The following UBAC2 variants were observed in gnomAD, a reference collection of about 807,000 sequenced individuals.
The protein encoded by UBAC2 is ubiquitin-associated domain-containing protein 2.
Under a neutral mutation model 44.0 loss-of-function variants are expected in UBAC2, and 26 were observed. The ratio of observed to expected loss-of-function variants is 0.59; its 90% CI spans 0.43 to 0.82. UBAC2 has a LOEUF of 0.82. Among genes scored for constraint, UBAC2 ranks in the 40% least tolerant of loss-of-function variants. The pLI, the probability that UBAC2 is intolerant of heterozygous loss-of-function variation, is 0.00. For missense variants in UBAC2, 329 were observed against 419.4 expected, an observed-to-expected ratio of 0.78 and a Z score of 1.88; for synonymous variants, 155 against 154.3, an observed-to-expected ratio of 1.00 and a Z score of -0.04.
intron 5 of UBAC2, 79 bp from the exon 6 acceptor site, chr13:99,317,943 C>T: frequency 8.7e-7 from 1 of 1,151,320 alleles, no homozygotes; most frequent in Non-Finnish European, 1.3e-6. Context: ...ATGGTCATGA[C>T]TATAGTTATG....
At chr13:99,247,485 A>G (rs981488730) in intron 4 of UBAC2, among the ~76,000 whole-genome samples, 5 of 151,900 alleles carry the variant, frequency 3.3e-5, no homozygotes, top group African/African-American at 4.8e-5. Context: ...AAGTGCTGGG[A>G]TTACAGGCGT....
intron 4 of UBAC2, chr13:99,255,567 C>T (rs1376493048): frequency 4.3e-6 from 7 of 1,614,144 alleles, no homozygotes; most frequent in Non-Finnish European, 5.9e-6. Context: ...TTGGGTAAAA[C>T]ACTGTGAGAG....
chr13:99,263,490 A>C (rs895737883), intron 4 of UBAC2, among the ~76,000 whole-genome samples: 1 of 152,248 alleles, frequency 6.6e-6, no homozygotes, highest in Non-Finnish European at 1.5e-5. Flanking sequence ...ACGATGAAAA[A>C]GACGGACAGT....
At chr13:99,380,094 G>T (rs1385353406) in intron 8 of UBAC2, among the ~76,000 whole-genome samples, 1 of 152,154 alleles carries the variant, frequency 6.6e-6, no homozygotes, top group Non-Finnish European at 1.5e-5. Context: ...TAAACTACAT[G>T]TTGTGGCCTG....
At chr13:99,383,799 G>A (rs551810881) in intron 8 of UBAC2, among the ~76,000 whole-genome samples, 85 of 152,366 alleles carry the variant, frequency 5.6e-4, no homozygotes, top group African/African-American at 1.7e-3. Flanking sequence ...TGTCCACTGC[G>A]TGTCCCTGTT....
At chr13:99,218,721 T>G (rs1254779895) in intron 1 of UBAC2, among the ~76,000 whole-genome samples, 1 of 152,144 alleles carries the variant, frequency 6.6e-6, no homozygotes, top group Middle Eastern at 3.2e-3. Context: ...GATGGATGGC[T>G]TCCAGTGTTT....
chr13:99,287,285 G>A (rs974130412), intron 4 of UBAC2, among the ~76,000 whole-genome samples: 1 of 152,124 alleles, frequency 6.6e-6, no homozygotes, highest in Non-Finnish European at 1.5e-5. Context: ...AGTGTCAGGT[G>A]CAGGCACAGG....
chr13:99,350,807 G>T (rs2045073348), intron 7 of UBAC2, among the ~76,000 whole-genome samples: 2 of 152,258 alleles, frequency 1.3e-5, no homozygotes, highest in South Asian at 2.1e-4. Context: ...TGAAGTAGGG[G>T]AGCAGTCTTG....
In UBAC2 at chr13:99,338,047, C is replaced by CTTTTTTTTTTTTTTTTTTTTTTT. The variant is rs869112086; in HGVS notation, c.562-2267_562-2245dup. 2.3e-3 allele frequency among the ~76,000 whole-genome samples: 113 copies of CTTTTTTTTTTTTTTTTTTTTTTT among 48,872 alleles called. 15 individuals are homozygous for CTTTTTTTTTTTTTTTTTTTTTTT. The highest frequency in any genetic ancestry group is 4.0e-3 in the African/African-American group (57 of 14,118). The allele number at this position is 48,872 out of a possible 152,430, so 32.1% of individuals were successfully genotyped here. ...ATCTCCTAACTTTTTTTCTTTTTTT[C>CTTTTTTTTTTTTTTTTTTTTTTT]TTTTTTTTTTTTTTTTTTTTTTTTT... On this transcript the variant is annotated intron_variant, in intron 6 of 8. Coordinates refer to ENST00000403766, the MANE Select transcript of UBAC2 (RefSeq NM_001144072.2).
chr13:99,334,904 C>CA (rs140099208), intron 6 of UBAC2, among the ~76,000 whole-genome samples: 8,909 of 151,898 alleles, frequency 0.059, 312 homozygotes, highest in Middle Eastern at 0.13. Flanking sequence ...TACAAAGACA[C>CA]AAAAAAAGCC....
intron 8 of UBAC2, among the ~76,000 whole-genome samples, chr13:99,368,540 G>C (rs1461499191): frequency 2.0e-5 from 3 of 152,172 alleles, no homozygotes; most frequent in African/African-American, 7.2e-5. Flanking sequence ...CTAAAATTAT[G>C]CTGTGTGTAT....
chr13:99,287,684 C>T (rs1400987205), intron 4 of UBAC2, among the ~76,000 whole-genome samples: 2 of 139,800 alleles, frequency 1.4e-5, no homozygotes, highest in Non-Finnish European at 3.0e-5. Flanking sequence ...GAGGTTTCGC[C>T]ATGTTGCCCA....
Position 99,367,888 on chromosome 13 carries a change from A to G in UBAC2, c.909A>G (p.Leu303=). 6.2e-7 allele frequency: 1 copy of G among 1,613,902 alleles called. No homozygotes were observed. Among genetic ancestry groups the G allele is most frequent in the Non-Finnish European group, 8.5e-7 (1 of 1,179,840 alleles). The part of the protein sequence containing the change: ...GRQSEPAAPP[L]EVSEEQVARL... Reference sequence around the variant, plus strand: ...AGTCTGAGCCAGCAGCGCCCCCTCTAGAAGTTTCTGAGGAACAGGTAATTA... The same window carrying G: ...AGTCTGAGCCAGCAGCGCCCCCTCTGGAAGTTTCTGAGGAACAGGTAATTA... The change falls in exon 8 of 9, where the codon CTA becomes CTG. Residue 303 remains leucine, a synonymous_variant. Coordinates refer to ENST00000403766, the MANE Select transcript of UBAC2 (RefSeq NM_001144072.2).
intron 1 of UBAC2, among the ~76,000 whole-genome samples, chr13:99,228,485 G>T (rs1202793941): frequency 6.6e-6 from 1 of 151,946 alleles, no homozygotes; most frequent in African/African-American, 2.4e-5. Flanking sequence ...GTAGTGACGG[G>T]GCTTCACGAT....
intron 2 of UBAC2, among the ~76,000 whole-genome samples, chr13:99,241,464 ATAT>A (rs2043299198): frequency 6.6e-6 from 1 of 152,330 alleles, no homozygotes; most frequent in South Asian, 2.1e-4. Context: ...AACCTTGAAA[ATAT>A]TATGCAAAGT....
At chr13:99,244,398 T>TATACACACATATGCATGTGTGTAG in intron 3 of UBAC2, 117 bp from the exon 4 acceptor site, 1 of 670,578 alleles carries the variant, frequency 1.5e-6, no homozygotes, top group South Asian at 1.9e-5. Flanking sequence ...CATGTGTGTA[T>TATACACACATATGCATGTGTGTAG]ATACACACAC....
In UBAC2 at chr13:99,300,300, G is replaced by A. The variant is rs375609220; in HGVS notation, c.390-13797G>A. ...GTGGACGTGTAAGTGGGATGGCTTG[G>A]AAATGATCTTAGGTAAAGGTAAATG... is the stretch of plus-strand genomic sequence containing the variant. On this transcript the variant is annotated intron_variant, in intron 4 of 8. Coordinates refer to ENST00000403766, the MANE Select transcript of UBAC2 (RefSeq NM_001144072.2). Among the ~76,000 whole-genome samples, 81 of 152,364 alleles carry A rather than the reference G, an allele frequency of 5.3e-4. No homozygotes were observed. In the East Asian group the frequency reaches 6.0e-3, roughly 11 times the overall value.
At chr13:99,332,433 T>G (rs1200668801) in intron 6 of UBAC2, among the ~76,000 whole-genome samples, 2 of 152,202 alleles carry the variant, frequency 1.3e-5, no homozygotes, top group Admixed American at 1.3e-4. Context: ...TCCATGTTTA[T>G]TAGTGGACTA....
chr13:99,254,203 A>G (rs534524464), intron 4 of UBAC2, among the ~76,000 whole-genome samples: 1 of 152,332 alleles, frequency 6.6e-6, no homozygotes, highest in South Asian at 2.1e-4. Context: ...TATAGTAGAA[A>G]CCTCAAATGA....
Sources: allele counts gnomAD v4.1 joint callset (sites outside exome capture counted in the v4.1 genomes callset), GRCh38; gene constraint gnomAD v4.1.1; transcripts MANE v1.5; gene names NCBI Gene and HGNC (gene_info 2026-07-23, HGNC 2026-07-21).